The following CYBB variants were observed in gnomAD, a reference collection of about 807,000 sequenced individuals.
CYBB encodes the protein NADPH oxidase 2.
CYBB carries 5 observed loss-of-function variants against 46.5 expected under a neutral mutation model. The ratio of observed to expected loss-of-function variants is 0.11; its 90% CI spans 0.06 to 0.23. The LOEUF (loss-of-function observed/expected upper bound fraction) is 0.23, where lower values mean the gene tolerates loss of function less well. Among genes scored for constraint, CYBB ranks in the 10% least tolerant of loss-of-function variants. The pLI is 1.00. For missense variants in CYBB, 307 were observed against 428.3 expected (o/e 0.72, Z 2.50); for synonymous variants, 183 against 156.7 (o/e 1.17, Z -1.26).
intron 6 of CYBB, among the ~76,000 whole-genome samples, chrX:37,797,269 C>T (rs1206338149): frequency 8.9e-6 from 1 of 111,942 alleles, no homozygotes; most frequent in African/African-American, 3.3e-5. Context: ...TCTCTTAAAG[C>T]ACTCAAATAT....
intron 7 of CYBB, 91 bp downstream of exon 7, chrX:37,799,175 A>G: frequency 2.3e-6 from 2 of 860,961 alleles, no homozygotes; most frequent in African/African-American, 2.0e-5. Flanking sequence ...ATACATCTAT[A>G]TAGATGTCCA....
intron 4 of CYBB, 30 bp from the exon 5 acceptor site, chrX:37,793,635 C>T (rs1556467627): frequency 8.3e-7 from 1 of 1,200,373 alleles, no homozygotes; most frequent in African/African-American, 1.8e-5. Flanking sequence ...ACCCTTCATT[C>T]TCTTTGTTTC....
intron 4 of CYBB, 29 bp downstream of exon 4, chrX:37,792,088 AG>A: frequency 1.0e-6 from 1 of 1,003,420 alleles, no homozygotes; most frequent in South Asian, 1.9e-5. Flanking sequence ...ACTTGGAACC[AG>A]GGAGTTCCCT....
rs782410841 is a variant in CYBB, at chrX:37,796,029, T to C, written c.562T>C (p.Leu188=). Residue 188 remains leucine (L), a synonymous_variant, in exon 6 of 13, where the codon TTA becomes CTA. Coordinates refer to ENST00000378588, the MANE Select transcript of CYBB (RefSeq NM_000397.4). The part of the protein sequence containing the change: ...TGVVITLCLI[L]IITSSTKTIR... ...AGTTGTCATCACGCTGTGCCTCATA[T>C]TAATTATCACTTCCTCCACCAAAAC... 3.7e-5 allele frequency: 45 copies of C among 1,206,835 alleles called. No individual in the cohort carries two copies. Among genetic ancestry groups the C allele is most frequent in the Non-Finnish European group, 5.0e-5 (45 of 892,724 alleles).
rs782497668 is a variant in CYBB, at chrX:37,792,007, C to T, written c.285C>T (p.Asp95=). 1 of 1,207,839 alleles carries T rather than the reference C, an allele frequency of 8.3e-7. No individual in the cohort carries two copies. The highest frequency in any genetic ancestry group is 1.1e-6 in the Non-Finnish European group (1 of 892,204). Residue 95 remains aspartate (D), a synonymous_variant, in exon 4 of 13, where the codon GAC becomes GAT. Transcript: ENST00000378588. ...CCSTRVRRQL[D]RNLTFHKMVA... ...CAACAAGAGTTCGAAGACAACTGGA[C>T]AGGAATCTCACCTTTCATAAAATGG...
chrX:37,805,902 G>A (rs554356699), intron 10 of CYBB, among the ~76,000 whole-genome samples: 43 of 112,228 alleles, frequency 3.8e-4, no homozygotes, highest in African/African-American at 1.3e-3. Context: ...CTCTAATAGG[G>A]ACATTAAGCC....
At position 37,813,208 on chromosome X, in the gene CYBB, C is replaced by CTTTTTT. The variant is rs11338914; in HGVS notation, c.*2309_*2314dup. 1 of 64,173 alleles carries CTTTTTT rather than the reference C, an allele frequency of 1.6e-5. No homozygotes were observed. The highest frequency in any genetic ancestry group is 2.9e-5 in the Non-Finnish European group (1 of 34,880). The allele number at this position is 64,173 out of a possible 1,213,427, so 5.3% of individuals were successfully genotyped here. A position where few individuals can be genotyped will look rare whatever the true frequency, so the allele number is the denominator to read the frequency against. Reference sequence around the variant, plus strand: ...CACCAGCAGCCAGCTGCCAGCCTAGCTTTTTTTTTTTTTTTTTTTTTTTAG... The same window carrying CTTTTTT: ...CACCAGCAGCCAGCTGCCAGCCTAGCTTTTTTTTTTTTTTTTTTTTTTTTTTTTTAG... On this transcript the variant is annotated 3_prime_UTR_variant, in exon 13 of 13. Coordinates refer to ENST00000378588, the MANE Select transcript of CYBB (RefSeq NM_000397.4).
intron 1 of CYBB, among the ~76,000 whole-genome samples, chrX:37,781,095 G>C (rs1014258925): frequency 8.9e-6 from 1 of 112,167 alleles, no homozygotes; most frequent in African/African-American, 3.2e-5. Flanking sequence ...AAATGTTTAC[G>C]CCAAACCAAC....
At chrX:37,797,080 A>C (rs1170981531) in intron 6 of CYBB, among the ~76,000 whole-genome samples, 1 of 111,209 alleles carries the variant, frequency 9.0e-6, no homozygotes, top group Non-Finnish European at 1.9e-5. Context: ...TGGAGGAAGT[A>C]GAAGCTCAAG....
intron 8 of CYBB, 79 bp downstream of exon 8, chrX:37,801,427 T>C: frequency 1.6e-6 from 1 of 639,248 alleles, no homozygotes. Flanking sequence ...CTCTATATCA[T>C]TGATCAGATG....
At chrX:37,806,603 T>C (rs782718584) in intron 11 of CYBB, 70 bp downstream of exon 11, 2 of 998,837 alleles carry the variant, frequency 2.0e-6, no homozygotes. Flanking sequence ...CCCTTGGTTA[T>C]TGGTGTGTCT....
chrX:37,801,879 A>T (rs1443827336), intron 8 of CYBB, among the ~76,000 whole-genome samples: 1 of 110,564 alleles, frequency 9.0e-6, no homozygotes, highest in Non-Finnish European at 1.9e-5. Flanking sequence ...AGTGCCCAAA[A>T]TTTCAACAAG....
chrX:37,805,195 CT>C, intron 10 of CYBB, 27 bp downstream of exon 10: 2 of 1,197,509 alleles, frequency 1.7e-6, no homozygotes, highest in Non-Finnish European at 2.3e-6. Flanking sequence ...ATCGGAGGGC[CT>C]TAGAGCAGTA....
intron 6 of CYBB, among the ~76,000 whole-genome samples, chrX:37,796,534 G>A (rs1357350852): frequency 9.0e-6 from 1 of 111,425 alleles, no homozygotes; most frequent in Non-Finnish European, 1.9e-5. Context: ...GAAGAGGTTT[G>A]TTATAGTTCA....
chrX:37,783,599 C>T lies in CYBB; in HGVS notation c.251C>T (p.Ala84Val), dbSNP rs944314548. The part of the protein sequence containing the change: ...NLLSFLRGSS[A>V]CCSTRVRRQL... ...CTGTCCTTCCTCAGGGGTTCCAGTG[C>T]GGTAAGAGAAAATGTTTTACTAAGT... The change falls in exon 3 of 13, where the codon GCG (alanine) becomes GTG (valine). Residue 84 changes from alanine to valine, a missense_variant and splice_region_variant. Transcript: ENST00000378588. The T allele has an allele frequency of 1.7e-6, 2 of 1,159,188 alleles. No homozygotes were observed. The highest frequency in any genetic ancestry group is 2.4e-6 in the Non-Finnish European group (2 of 847,953).
At chrX:37,804,229 A>G (rs1929505876) in intron 9 of CYBB, 99 bp downstream of exon 9, 1 of 883,573 alleles carries the variant, frequency 1.1e-6, no homozygotes, top group South Asian at 2.1e-5. Context: ...CCAACAAAAC[A>G]CACAGGTTCT....
chrX:37,793,332 C>T (rs1929236535), intron 4 of CYBB, among the ~76,000 whole-genome samples: 1 of 110,044 alleles, frequency 9.1e-6, no homozygotes, highest in African/African-American at 3.3e-5. Flanking sequence ...CATATCTAAA[C>T]ACCTTCAGAA....
intron 3 of CYBB, among the ~76,000 whole-genome samples, chrX:37,788,642 T>G (rs1929128014): frequency 9.0e-6 from 1 of 111,434 alleles, no homozygotes; most frequent in Non-Finnish European, 1.9e-5. Context: ...AACTGGAGAC[T>G]GAGTATGTTG....
intron 6 of CYBB, chrX:37,798,370 TTAAG>T (rs1486306069): frequency 8.1e-6 from 1 of 123,602 alleles, no homozygotes; most frequent in African/African-American, 3.2e-5. Context: ...CCCTATATAG[TTAAG>T]TATCTCAAAC....
Sources: gnomAD v4.1 joint callset for allele counts (sites outside exome capture counted in the v4.1 genomes callset) on GRCh38, gnomAD v4.1.1 for gene constraint, MANE v1.5 for transcripts, NCBI Gene and HGNC (gene_info 2026-07-23, HGNC 2026-07-21) for gene names.